Variants in KALRN observed in about 807,000 individuals in gnomAD.
KALRN encodes the protein kalirin.
A neutral mutation model predicts 353.7 loss-of-function variants in KALRN; 70 were observed. The observed-to-expected ratio is 0.20, with a 90% CI of 0.16 to 0.24. The LOEUF (loss-of-function observed/expected upper bound fraction) is 0.24, where lower values mean the gene tolerates loss of function less well. Ranked by LOEUF, KALRN falls within the 10% of genes least tolerant of loss-of-function variation. The pLI is 1.00. For synonymous variants in KALRN, 1,391 were observed against 1,434.8 expected, an observed-to-expected ratio of 0.97 and a Z score of 0.69; for missense variants, 2,791 against 3,756.7, an observed-to-expected ratio of 0.74 and a Z score of 6.72.
intron 5 of KALRN, among the ~76,000 whole-genome samples, chr3:124,289,294 G>T (rs1294927172): frequency 6.6e-6 from 1 of 152,094 alleles, no homozygotes; most frequent in African/African-American, 2.4e-5. Context: ...ATGAAATTTG[G>T]GGGCACATTC....
rs2073875672 is a variant in KALRN at position 124,269,064 on chromosome 3, T to A, written c.778T>A (p.Cys260Ser). ...GCAGCGGCTGCTGCAGTGCATCCGC[T>A]GCAGCGACGGCTTCTCAGGACGCAA... ...EGQRLLQCIRCSDGFSGRNCI... is the reference protein window; with the variant it reads ...EGQRLLQCIRSSDGFSGRNCI... The change falls in exon 5 of 60, where the codon TGC (cysteine) becomes AGC (serine). Residue 260 changes from cysteine to serine, a missense_variant. By Grantham distance (112) the Cys-to-Ser change is moderately radical (BLOSUM62 -1). Around this residue, in one of 11 missense-constraint regions of KALRN, gnomAD observed 366 missense variants for 489.2 expected, o/e 0.75. Coordinates refer to ENST00000682506, the MANE Select transcript of KALRN (RefSeq NM_001388419.1). 6.2e-7 allele frequency: 1 copy of A among 1,612,622 alleles called. No homozygotes were observed. The highest frequency in any genetic ancestry group is 8.5e-7 in the Non-Finnish European group (1 of 1,179,532).
At chr3:124,224,195 G>GT (rs552753295) in intron 1 of KALRN, among the ~76,000 whole-genome samples, 452 of 145,728 alleles carry the variant, frequency 3.1e-3, no homozygotes, top group Middle Eastern at 6.9e-3. Context: ...GGGCTTAGGG[G>GT]TTTTTTTTTT....
chr3:124,192,091 A>G lies in KALRN; in HGVS notation c.74-35899A>G, dbSNP rs1308644096. On this transcript the variant is annotated intron_variant, in intron 1 of 59. Transcript: ENST00000682506. ...GTTGGTATAGGCTGAATTTTGTCCC[A>G]CCTAAAATTCATATGTTGAAGCCCT... Among the ~76,000 whole-genome samples, 4 of 152,322 alleles carry G rather than the reference A, an allele frequency of 2.6e-5. No individual in the cohort carries two copies. The East Asian group carries it at 7.7e-4, about 29-fold the overall frequency.
At chr3:124,691,801 C>T (rs1258052267) in intron 51 of KALRN, among the ~76,000 whole-genome samples, 1 of 152,218 alleles carries the variant, frequency 6.6e-6, no homozygotes, top group South Asian at 2.1e-4. Context: ...TTAGTGCCCC[C>T]CTACAGGTGA....
At chr3:124,620,466 G>GA (rs1484315732) in intron 34 of KALRN, among the ~76,000 whole-genome samples, 9 of 152,062 alleles carry the variant, frequency 5.9e-5, no homozygotes, top group Admixed American at 3.9e-4. Context: ...CCACAGTTTA[G>GA]AAAAAATGTG....
At chr3:124,643,822 G>A (rs956486439) in intron 37 of KALRN, among the ~76,000 whole-genome samples, 1 of 152,212 alleles carries the variant, frequency 6.6e-6, no homozygotes, top group South Asian at 2.1e-4. Flanking sequence ...ACAACATGAT[G>A]TTATGAGATA....
In KALRN at chr3:124,069,899, A is replaced by G. The variant is rs535142759; in HGVS notation, c.73+36086A>G. On this transcript the variant is annotated intron_variant, in intron 1 of 59. Coordinates refer to ENST00000682506, the MANE Select transcript of KALRN (RefSeq NM_001388419.1). ...AGTCAGTGAGTGGGGCGGCCAAGAT[A>G]TTTCTGGAGGAGAGACTACTGGAGA... 3.3e-5 allele frequency among the ~76,000 whole-genome samples: 5 copies of G among 152,214 alleles called. No individual in the cohort carries two copies. In the South Asian group the frequency reaches 1.0e-3, roughly 32 times the overall value.
chr3:124,209,009 A>G (rs192750760), intron 1 of KALRN, among the ~76,000 whole-genome samples: 1 of 152,110 alleles, frequency 6.6e-6, no homozygotes, highest in African/African-American at 2.4e-5. Flanking sequence ...CATCATAACC[A>G]ATAGTTAAGA....
chr3:124,678,370 C>A (rs1250457428), intron 50 of KALRN, 57 bp downstream of exon 50: 5 of 1,582,462 alleles, frequency 3.2e-6, no homozygotes, highest in Non-Finnish European at 3.4e-6. Context: ...CACCCTGCAG[C>A]ATTCTCACAA....
At chr3:124,239,356 A>G (rs1454010571) in intron 3 of KALRN, among the ~76,000 whole-genome samples, 1 of 152,154 alleles carries the variant, frequency 6.6e-6, no homozygotes, top group East Asian at 1.9e-4. Context: ...GGTTACTTTT[A>G]TTGCATTGAA....
intron 33 of KALRN, among the ~76,000 whole-genome samples, chr3:124,500,051 C>T (rs1398524524): frequency 6.6e-5 from 10 of 152,188 alleles, no homozygotes. Flanking sequence ...AGTATTCTAA[C>T]TAATGTAAAC....
At chr3:124,257,293 A>G (rs937956444) in intron 3 of KALRN, among the ~76,000 whole-genome samples, 1 of 152,210 alleles carries the variant, frequency 6.6e-6, no homozygotes, top group African/African-American at 2.4e-5. Flanking sequence ...TTGTCCTTGG[A>G]TCACTATGGG....
chr3:124,122,030 AG>A (rs2064084497), intron 1 of KALRN, among the ~76,000 whole-genome samples: 2 of 152,334 alleles, frequency 1.3e-5, no homozygotes, highest in South Asian at 2.1e-4. Context: ...TCTAGAAACA[AG>A]TCCCAGTGAG....
intron 57 of KALRN, among the ~76,000 whole-genome samples, chr3:124,707,673 TG>T (rs894374129): frequency 1.3e-5 from 2 of 152,168 alleles, no homozygotes; most frequent in South Asian, 4.1e-4. Flanking sequence ...CATGCTTAAT[TG>T]TTTTTTTGTG....
chr3:124,066,126 G>C (rs1479842832), intron 1 of KALRN, among the ~76,000 whole-genome samples: 3 of 152,220 alleles, frequency 2.0e-5, no homozygotes, highest in African/African-American at 7.2e-5. Context: ...ATCAGGCTAG[G>C]TGGGAGAGCA....
chr3:124,331,962 A>G (rs976465241), intron 8 of KALRN, among the ~76,000 whole-genome samples: 6 of 152,286 alleles, frequency 3.9e-5, no homozygotes, highest in African/African-American at 1.4e-4. Flanking sequence ...TACCCTGGAC[A>G]TAGCATGGTG....
chr3:124,152,808 G>A (rs2068358727), intron 1 of KALRN: 1 of 266,908 alleles, frequency 3.7e-6, no homozygotes, highest in South Asian at 6.0e-5. Context: ...ATTGAGACGG[G>A]GTTTCACCAT....
intron 34 of KALRN, among the ~76,000 whole-genome samples, chr3:124,618,840 G>T (rs2078953428): frequency 6.6e-6 from 1 of 152,158 alleles, no homozygotes; most frequent in Non-Finnish European, 1.5e-5. Context: ...GACCCTCCTT[G>T]TTGTGCTTGT....
At chr3:124,660,104 T>A (rs932823721) in intron 43 of KALRN, among the ~76,000 whole-genome samples, 12 of 151,908 alleles carry the variant, frequency 7.9e-5, no homozygotes, top group Non-Finnish European at 1.8e-4. Flanking sequence ...GCTAATTTTT[T>A]ATTTTTTTTG....
Sources: allele counts gnomAD v4.1 joint callset (sites outside exome capture counted in the v4.1 genomes callset), GRCh38; gene constraint gnomAD v4.1.1; regional missense constraint gnomAD v4.1.1; transcripts MANE v1.5; gene names NCBI Gene and HGNC (gene_info 2026-07-23, HGNC 2026-07-21).